Variants in CDH3 observed in about 807,000 individuals in gnomAD.
CDH3 encodes cadherin 3, also known as cadherin-3.
Under a neutral mutation model 82.0 loss-of-function variants are expected in CDH3, and 54 were observed. The ratio of observed to expected loss-of-function variants is 0.66; its 90% CI spans 0.53 to 0.83. CDH3 has a LOEUF of 0.83. Ranked by LOEUF, CDH3 falls within the 40% of genes least tolerant of loss-of-function variation. CDH3 has a pLI of 0.00. For synonymous variants in CDH3, 446 were observed against 437.9 expected (o/e 1.02, Z -0.23); for missense variants, 1,054 against 1,084.6 (o/e 0.97, Z 0.40).
At chr16:68,713,997 G>A (rs891908152) in intron 1 of CDH3, among the ~76,000 whole-genome samples, 8 of 151,666 alleles carry the variant, frequency 5.3e-5, no homozygotes, top group Admixed American at 4.6e-4. Flanking sequence ...GCGGTGGCTC[G>A]ATCTCAGCTC....
chr16:68,667,637 A>G (rs1409381748), intron 2 of CDH3, among the ~76,000 whole-genome samples: 4 of 152,194 alleles, frequency 2.6e-5, no homozygotes, highest in African/African-American at 7.2e-5. Flanking sequence ...CATAAGAGGA[A>G]TGAGTTCTTA....
intron 1 of CDH3, among the ~76,000 whole-genome samples, chr16:68,710,084 A>G (rs978741140): frequency 6.6e-6 from 1 of 152,216 alleles, no homozygotes; most frequent in African/African-American, 2.4e-5. Context: ...GGTTGGTTAC[A>G]TTGGGGGAAG....
At chr16:68,671,234 GC>G (rs1284598827) in intron 2 of CDH3, among the ~76,000 whole-genome samples, 3 of 150,122 alleles carry the variant, frequency 2.0e-5, no homozygotes, top group Admixed American at 6.7e-5. Flanking sequence ...CAAGCAATCT[GC>G]CCACCTCAGC....
chr16:68,685,092 G>A (rs1481219626), intron 10 of CDH3, 113 bp from the exon 11 acceptor site: 56 of 1,315,814 alleles, frequency 4.3e-5, no homozygotes, highest in Non-Finnish European at 5.8e-5. Flanking sequence ...TTTTCCATAT[G>A]ATCCTGCTTA....
chr16:68,674,128 G>A (rs767086783), intron 2 of CDH3, among the ~76,000 whole-genome samples: 1 of 152,166 alleles, frequency 6.6e-6, no homozygotes, highest in Non-Finnish European at 1.5e-5. Context: ...CACAGTGGCT[G>A]CATCATTTCA....
In CDH3 at chr16:68,663,869, GGTTA is replaced by G. The variant is rs1320574320; in HGVS notation, c.161-12511_161-12508del. 2.6e-5 allele frequency among the ~76,000 whole-genome samples: 4 copies of G among 151,774 alleles called. No individual in the cohort carries two copies. In the South Asian group the frequency reaches 8.4e-4, roughly 32 times the overall value. On this transcript the variant is annotated intron_variant, in intron 2 of 15. Coordinates refer to ENST00000264012, the MANE Select transcript of CDH3 (RefSeq NM_001793.6). ...TTAGGGTACATGTGCACAATGTGCA[GGTTA>G]GTTACATATGTATACATGTGCCATG...
chr16:68,726,446 G>C (rs1335221398), intron 2 of CDH3, among the ~76,000 whole-genome samples: 1 of 152,058 alleles, frequency 6.6e-6, no homozygotes, highest in Non-Finnish European at 1.5e-5. Context: ...AATTAAGCAA[G>C]GTTTGCCACT....
chr16:68,678,650 G>A lies in CDH3; in HGVS notation c.540G>A (p.Lys180=). 1 of 1,614,240 alleles carries A rather than the reference G, an allele frequency of 6.2e-7. No individual in the cohort carries two copies. The highest frequency in any genetic ancestry group is 8.5e-7 in the Non-Finnish European group (1 of 1,180,042). Residue 180 remains lysine (K), a synonymous_variant, in exon 5 of 16, where the codon AAG becomes AAA. Transcript: ENST00000264012. The part of the protein sequence containing the change: ...NKPLDREEIA[K]YELFGHAVSE... ...CACTGGACCGGGAGGAGATTGCCAAGTATGAGGCAAGTAGCCTTTAGTGTC... is the reference window on the plus strand; with the variant it reads ...CACTGGACCGGGAGGAGATTGCCAAATATGAGGCAAGTAGCCTTTAGTGTC...
chr16:68,645,435 G>T lies in CDH3; in HGVS notation c.45+11G>T. ...CTCCTCCTTCTCCAGGTACTCCACA[G>T]CCTCGCCGTGGCCCCGACCGGGACC... On this transcript the variant is annotated intron_variant, in intron 1 of 15. Coordinates refer to ENST00000264012, the MANE Select transcript of CDH3 (RefSeq NM_001793.6). The T allele has an allele frequency of 6.2e-7, 1 of 1,612,950 alleles. No homozygotes were observed.
chr16:68,687,767 G>A, intron 12 of CDH3, 31 bp downstream of exon 12: 5 of 1,535,368 alleles, frequency 3.3e-6, no homozygotes, highest in Non-Finnish European at 3.6e-6. Flanking sequence ...AGCGGGTGGG[G>A]TGCCAGCCCC....
chr16:68,660,307 A>G lies in CDH3; in HGVS notation c.160+14557A>G, dbSNP rs139985334. Among the ~76,000 whole-genome samples, 998 of 152,340 alleles carry G rather than the reference A, an allele frequency of 6.6e-3. 9 individuals carry two copies. Among genetic ancestry groups the G allele is most frequent in the African/African-American group, 0.022 (916 of 41,570 alleles). ...TTTATGACTATCTAAATAATAGTCAATAGTTTCAAAAGCATATGAATTCAC... is the reference window on the plus strand; with the variant it reads ...TTTATGACTATCTAAATAATAGTCAGTAGTTTCAAAAGCATATGAATTCAC... On this transcript the variant is annotated intron_variant, in intron 2 of 15. Transcript: ENST00000264012.
chr16:68,698,150 A>G, intron 15 of CDH3, 41 bp from the exon 16 acceptor site: 1 of 1,590,186 alleles, frequency 6.3e-7, no homozygotes, highest in South Asian at 1.1e-5. Flanking sequence ...GGCAAGAGGC[A>G]GGACCCGCCG....
At chr16:68,665,197 A>G (rs897906224) in intron 2 of CDH3, among the ~76,000 whole-genome samples, 11 of 151,896 alleles carry the variant, frequency 7.2e-5, no homozygotes, top group Non-Finnish European at 1.5e-4. Context: ...TCATGAGGTC[A>G]GGAGATTGAG....
exon 3 of CDH3, among the ~76,000 whole-genome samples, chr16:68,727,169 T>G (rs1263023838): frequency 6.6e-6 from 1 of 152,198 alleles, no homozygotes; most frequent in East Asian, 1.9e-4. Context: ...GACACCTGCC[T>G]TCTGCCCTTA....
chr16:68,732,864 C>A, the CDH3 span, among the ~76,000 whole-genome samples: 1 of 151,890 alleles, frequency 6.6e-6, no homozygotes, highest in Admixed American at 6.6e-5. Flanking sequence ...GTGCAAATGG[C>A]CCTGGGAGGT....
intron 12 of CDH3, among the ~76,000 whole-genome samples, chr16:68,688,456 C>T (rs781515056): frequency 1.3e-5 from 2 of 152,050 alleles, no homozygotes; most frequent in Non-Finnish European, 2.9e-5. Context: ...GGCATGGTGG[C>T]ATGTGCCCGT....
chr16:68,663,966 C>G (rs1392219250), intron 2 of CDH3, among the ~76,000 whole-genome samples: 1 of 126,490 alleles, frequency 7.9e-6, no homozygotes, highest in Non-Finnish European at 1.6e-5. Context: ...TCCCTCCCCC[C>G]TCCCCCACTA....
At chr16:68,665,578 G>C (rs1052653174) in intron 2 of CDH3, among the ~76,000 whole-genome samples, 3 of 152,042 alleles carry the variant, frequency 2.0e-5, no homozygotes, top group African/African-American at 7.2e-5. Flanking sequence ...AGTGATTGAC[G>C]CAAGGCTGCA....
At chr16:68,702,941 C>A (rs1417179743), downstream of CDH3, among the ~76,000 whole-genome samples, 1 of 152,140 alleles carries the variant, frequency 6.6e-6, no homozygotes, top group Admixed American at 6.5e-5. Context: ...CTCATCCTCC[C>A]AGCTTGTATT....
Sources: allele counts gnomAD v4.1 joint callset (sites outside exome capture counted in the v4.1 genomes callset), GRCh38; gene constraint gnomAD v4.1.1; transcripts MANE v1.5; gene names NCBI Gene and HGNC (gene_info 2026-07-23, HGNC 2026-07-21).